Variants in MED15 observed in about 807,000 individuals in gnomAD.
MED15 encodes mediator of RNA polymerase II transcription subunit 15.
Under a neutral mutation model 118.7 loss-of-function variants are expected in MED15, and 41 were observed. The ratio of observed to expected loss-of-function variants is 0.35; its 90% CI spans 0.27 to 0.45. The LOEUF is 0.45. MED15 is among the 20% of genes least tolerant of loss of function. MED15 has a pLI of 1.00. For missense variants in MED15, 740 were observed against 1,025.5 expected (o/e 0.72, Z 3.80); for synonymous variants, 436 against 413.9 (o/e 1.05, Z -0.65).
At position 20,582,604 on chromosome 22, in the gene MED15, C is replaced by T. The variant is rs1419909603; in HGVS notation, c.1273-7C>T. 3.9e-6 allele frequency: 6 copies of T among 1,545,866 alleles called. No homozygotes were observed. Among genetic ancestry groups the T allele is most frequent in the Non-Finnish European group, 5.2e-6 (6 of 1,151,540 alleles). ...GCAGCGCGCCGGCTGAGCCCCTCCA[C>T]TTCCAGGTCAGCCAGAGCAGCCTCC... On this transcript the variant is annotated splice_polypyrimidine_tract_variant and splice_region_variant and intron_variant, in intron 9 of 17. Transcript: ENST00000263205.
chr22:20,543,530 C>T (rs1485901668), intron 2 of MED15, among the ~76,000 whole-genome samples: 1 of 148,848 alleles, frequency 6.7e-6, no homozygotes, highest in East Asian at 2.0e-4. Flanking sequence ...CATTTTACTA[C>T]AAGCAGAAAG....
chr22:20,542,662 A>G (rs1444476684), intron 2 of MED15, among the ~76,000 whole-genome samples: 1 of 152,186 alleles, frequency 6.6e-6, no homozygotes. Context: ...GAGGCTGCGT[A>G]GTTTTATCAG....
At chr22:20,560,555 G>A (rs539128514) in intron 5 of MED15, among the ~76,000 whole-genome samples, 7 of 152,100 alleles carry the variant, frequency 4.6e-5, no homozygotes, top group African/African-American at 1.2e-4. Flanking sequence ...GAGCCTCCGC[G>A]CCTGGCCTAT....
intron 1 of MED15, chr22:20,523,583 C>T (rs1431277941): frequency 1.1e-6 from 1 of 912,144 alleles, no homozygotes; most frequent in Non-Finnish European, 1.3e-6. Context: ...TCCCCACCCC[C>T]ACCAAATACC....
chr22:20,584,860 TC>T lies in MED15; in HGVS notation c.1814del (p.Pro605HisfsTer42). 1 of 1,611,672 alleles carries T rather than the reference TC, an allele frequency of 6.2e-7. No individual in the cohort carries two copies. Among genetic ancestry groups the T allele is most frequent in the African/African-American group, 1.3e-5 (1 of 74,846 alleles). Reference protein sequence around the residue: ...KLKNDMAVPTPPPPPVPPTKQ... With the variant: ...KLKNDMAVPTXPPPPVPPTKQ... ...CGTGCCCATCCTGTCTCCAGCCCAC[TC>T]CCCCACCGCCCCCGGTGCCACCGAC... On this transcript the variant is annotated frameshift_variant, in exon 15 of 18. Transcript: ENST00000263205. LOFTEE classifies it high-confidence loss of function.
chr22:20,578,927 C>T (rs1459260079), intron 9 of MED15, among the ~76,000 whole-genome samples: 44 of 152,248 alleles, frequency 2.9e-4, no homozygotes, highest in Admixed American at 2.7e-3. Context: ...CTTGACGGCT[C>T]ATGGCTGCAT....
At chr22:20,585,602 C>A in intron 16 of MED15, 126 bp from the exon 17 acceptor site, 1 of 871,338 alleles carries the variant, frequency 1.1e-6, no homozygotes, top group South Asian at 1.6e-5. Context: ...AGAGAGACCT[C>A]CTCCAGGCTT....
chr22:20,508,575 C>T (rs1271416523), intron 1 of MED15: 2 of 394,080 alleles, frequency 5.1e-6, no homozygotes, highest in Non-Finnish European at 4.6e-6. Flanking sequence ...GTCAATTGTT[C>T]TCTGGTGGGC....
chr22:20,584,783 T>C, intron 14 of MED15, 72 bp from the exon 15 acceptor site: 1 of 1,565,818 alleles, frequency 6.4e-7, no homozygotes, highest in South Asian at 1.1e-5. Flanking sequence ...ACCATGGGCC[T>C]GGGGTGTGAA....
At chr22:20,537,235 C>A in intron 2 of MED15, 31 bp downstream of exon 2, 1 of 1,588,020 alleles carries the variant, frequency 6.3e-7, no homozygotes, top group Non-Finnish European at 8.6e-7. Context: ...GCCACTCTGG[C>A]AGAGAGACTT....
chr22:20,527,813 T>G (rs879437005), intron 1 of MED15, among the ~76,000 whole-genome samples: 1 of 151,794 alleles, frequency 6.6e-6, no homozygotes, highest in East Asian at 1.9e-4. Context: ...AAAAATTAGC[T>G]GGGCATGGTG....
intron 2 of MED15, among the ~76,000 whole-genome samples, chr22:20,537,443 C>T (rs1335714327): frequency 6.6e-6 from 1 of 152,206 alleles, no homozygotes; most frequent in African/African-American, 2.4e-5. Context: ...ACTGCCGTCA[C>T]CTTCCATCTG....
At chr22:20,559,587 C>T (rs1029739983) in intron 5 of MED15, among the ~76,000 whole-genome samples, 35 of 152,164 alleles carry the variant, frequency 2.3e-4, no homozygotes, top group Admixed American at 1.8e-3. Flanking sequence ...TGCAGAGCAC[C>T]AAAGGCCAGA....
intron 5 of MED15, among the ~76,000 whole-genome samples, chr22:20,563,991 T>A (rs1303490884): frequency 6.6e-6 from 1 of 152,136 alleles, no homozygotes; most frequent in Non-Finnish European, 1.5e-5. Flanking sequence ...AGGAAATCGG[T>A]GTAGTAGAAT....
At chr22:20,511,067 T>C (rs2054047004) in intron 1 of MED15, among the ~76,000 whole-genome samples, 1 of 152,230 alleles carries the variant, frequency 6.6e-6, no homozygotes, top group Non-Finnish European at 1.5e-5. Context: ...TGATTTATTG[T>C]GCTCATAGGG....
At chr22:20,512,381 T>C (rs976053559) in intron 1 of MED15, among the ~76,000 whole-genome samples, 4 of 152,020 alleles carry the variant, frequency 2.6e-5, no homozygotes, top group African/African-American at 9.7e-5. Context: ...CATGACTAGC[T>C]CCTTCTTTTA....
rs1569257912 is a variant in MED15 at position 20,586,635 on chromosome 22, G to A, written c.2298G>A (p.Lys766=). ...CCAGGCTGCTGCAGCTCCCGGACAAGCACTCGGTCACCGCCTTGCTCAACA... is the reference window on the plus strand; with the variant it reads ...CCAGGCTGCTGCAGCTCCCGGACAAACACTCGGTCACCGCCTTGCTCAACA... ...MTSRLLQLPD[K]HSVTALLNTW... Residue 766 remains lysine (K), a synonymous_variant, in exon 18 of 18, where the codon AAG becomes AAA. Coordinates refer to ENST00000263205, the MANE Select transcript of MED15 (RefSeq NM_001003891.3). The A allele has an allele frequency of 6.2e-7, 1 of 1,613,012 alleles. No homozygotes were observed. Among genetic ancestry groups the A allele is most frequent in the Middle Eastern group, 1.6e-4 (1 of 6,062 alleles).
intron 8 of MED15, among the ~76,000 whole-genome samples, chr22:20,572,282 C>T (rs570959397): frequency 2.6e-5 from 4 of 152,352 alleles, no homozygotes; most frequent in South Asian, 2.1e-4. Context: ...GTGGTGACCA[C>T]GTGTTGCAGC....
chr22:20,536,580 C>T (rs1269851386), intron 1 of MED15, among the ~76,000 whole-genome samples: 1 of 152,206 alleles, frequency 6.6e-6, no homozygotes, highest in African/African-American at 2.4e-5. Context: ...GAGCTTGTCT[C>T]TTTGATCCCA....
Sources: gnomAD v4.1 joint callset for allele counts (sites outside exome capture counted in the v4.1 genomes callset) on GRCh38, gnomAD v4.1.1 for gene constraint, MANE v1.5 for transcripts, NCBI Gene and HGNC (gene_info 2026-07-23, HGNC 2026-07-21) for gene names.